Variants in EVC2 observed in about 807,000 individuals in gnomAD.
The protein encoded by EVC2 is EvC ciliary complex subunit 2, also known as limbin.
A neutral mutation model predicts 149.3 loss-of-function variants in EVC2; 148 were observed. The observed-to-expected ratio is 0.99, with a 90% confidence interval of 0.87 to 1.14. The LOEUF is 1.14. Ranked by LOEUF, EVC2 falls within the 50% of genes most tolerant of loss-of-function variation. The pLI is 0.00. For missense variants in EVC2, 1,854 were observed against 1,627.3 expected (o/e 1.14, Z -2.40); for synonymous variants, 776 against 649.9 (o/e 1.19, Z -2.95).
At chr4:5,644,087 C>T (rs1717533858) in intron 9 of EVC2, among the ~76,000 whole-genome samples, 1 of 152,072 alleles carries the variant, frequency 6.6e-6, no homozygotes, top group Non-Finnish European at 1.5e-5. Context: ...CCTTCTACAG[C>T]ATTGATGTGT....
rs928695995 is a variant in EVC2, at chr4:5,562,820, A to C, written c.*28T>G. 6 of 1,612,642 alleles carry C rather than the reference A, an allele frequency of 3.7e-6. No individual in the cohort carries two copies. The African/African-American group carries it at 6.7e-5, about 18-fold the overall frequency. On this transcript the variant is annotated 3_prime_UTR_variant, in exon 22 of 22. Coordinates refer to ENST00000344408, the MANE Select transcript of EVC2 (RefSeq NM_147127.5). This position sits in a 1 kb window ranked among gnomAD's most constrained non-coding sequence, Gnocchi z 4.3. ...GGAGAAAATCATCCCTTCTCTCTTC[A>C]GATGCTCCCGCAGGTCTTTCCCTTG...
chr4:5,552,582 G>A (rs1478117878), intron 21 of EVC2, among the ~76,000 whole-genome samples: 2 of 152,194 alleles, frequency 1.3e-5, no homozygotes, highest in Non-Finnish European at 2.9e-5. Context: ...TAGAGAGCTG[G>A]CCAAGTTATA....
chr4:5,553,102 C>T (rs1467804517), intron 21 of EVC2, among the ~76,000 whole-genome samples: 3 of 152,118 alleles, frequency 2.0e-5, no homozygotes, highest in African/African-American at 7.2e-5. Flanking sequence ...GCTTAATTAG[C>T]TCATGGTTCC....
chr4:5,618,577 G>A lies in EVC2; in HGVS notation c.2607C>T (p.Pro869=), dbSNP rs752513992. 6.2e-7 allele frequency: 1 copy of A among 1,614,148 alleles called. No homozygotes were observed. Among genetic ancestry groups the A allele is most frequent in the African/African-American group, 1.3e-5 (1 of 75,050 alleles). The change falls in exon 15 of 22, where the codon CCC becomes CCT. Residue 869 remains proline, a synonymous_variant. Transcript: ENST00000344408. This position sits in a 1 kb window ranked among gnomAD's most constrained non-coding sequence, Gnocchi z 4.4. ...GCAGCAGAACTCGGGCCCGGATCTTGGGGAGGGCCAAGCTCCTGTCCATCT... is the reference window on the plus strand; with the variant it reads ...GCAGCAGAACTCGGGCCCGGATCTTAGGGAGGGCCAAGCTCCTGTCCATCT... ...FAQMDRSLAL[P]KIRARVLLQQ...
At chr4:5,554,349 T>C (rs1182205451) in intron 21 of EVC2, among the ~76,000 whole-genome samples, 1 of 152,182 alleles carries the variant, frequency 6.6e-6, no homozygotes, top group Non-Finnish European at 1.5e-5. Flanking sequence ...GATGAATTGC[T>C]GAGGGCTGAA....
chr4:5,708,379 C>T lies in EVC2; in HGVS notation c.135G>A (p.Gln45=), dbSNP rs1423563752. ...GAGCCACCTGGGGATCCCGGGGTGG[C>T]TGCGCGCCGAGGGGGCGCCAGCGGG... ...SRPRWRPLGA[Q]PPRDPQVAPR... is the part of the protein sequence containing the mutation. The change falls in exon 1 of 22, where the codon CAG becomes CAA. Residue 45 remains glutamine, a synonymous_variant. Transcript: ENST00000344408. 6.7e-7 allele frequency: 1 copy of T among 1,494,048 alleles called. No individual in the cohort carries two copies. Among genetic ancestry groups the T allele is most frequent in the South Asian group, 1.3e-5 (1 of 78,904 alleles). The allele number at this position is 1,494,048 out of a possible 1,614,324, so 92.5% of individuals were successfully genotyped here. A position where few individuals can be genotyped will look rare whatever the true frequency, so the allele number is the denominator to read the frequency against.
intron 16 of EVC2, among the ~76,000 whole-genome samples, chr4:5,598,695 C>T (rs1015407549): frequency 1.3e-5 from 2 of 152,068 alleles, no homozygotes; most frequent in African/African-American, 4.8e-5. Flanking sequence ...AAAGCAATGG[C>T]AACAAAAGCC....
At chr4:5,563,556 G>T (rs1722084016) in intron 21 of EVC2, among the ~76,000 whole-genome samples, 2 of 152,108 alleles carry the variant, frequency 1.3e-5, no homozygotes, top group Admixed American at 1.3e-4. Context: ...TGGCCAGGAT[G>T]GTCTTGGTCT....
At chr4:5,653,577 T>G (rs886626607) in intron 9 of EVC2, among the ~76,000 whole-genome samples, 2 of 152,186 alleles carry the variant, frequency 1.3e-5, no homozygotes, top group Non-Finnish European at 2.9e-5. Flanking sequence ...AGTCTTTTCC[T>G]CTGGACAGAA....
intron 19 of EVC2, among the ~76,000 whole-genome samples, chr4:5,571,920 G>A (rs1722667834): frequency 6.6e-6 from 1 of 152,204 alleles, no homozygotes; most frequent in Non-Finnish European, 1.5e-5. Flanking sequence ...GACCAGTCCT[G>A]AGCAGAAGAT....
Position 5,706,433 on chromosome 4 carries a change from G to C in EVC2, c.228+1853C>G, listed in dbSNP as rs77615077. On this transcript the variant is annotated intron_variant, in intron 1 of 21. Coordinates refer to ENST00000344408, the MANE Select transcript of EVC2 (RefSeq NM_147127.5). ...AGATACATAGATAGATAGATACATA[G>C]ATAGATAGATAGATACATACATACA... 2.1e-3 allele frequency among the ~76,000 whole-genome samples: 54 copies of C among 25,686 alleles called. 1 individual carries two copies. Among genetic ancestry groups the C allele is most frequent in the Non-Finnish European group, 3.6e-3 (36 of 9,984 alleles). The allele number at this position is 25,686 out of a possible 152,430, so 16.9% of individuals were successfully genotyped here. A position where few individuals can be genotyped will look rare whatever the true frequency, so the allele number is the denominator to read the frequency against.
intron 2 of EVC2, among the ~76,000 whole-genome samples, chr4:5,694,859 G>C (rs1443806318): frequency 6.6e-6 from 1 of 152,194 alleles, no homozygotes; most frequent in Non-Finnish European, 1.5e-5. Context: ...CCAGCTGTGA[G>C]TCCTTGGGCA....
intron 21 of EVC2, among the ~76,000 whole-genome samples, chr4:5,543,588 CA>C (rs1721558461): frequency 6.6e-6 from 1 of 152,024 alleles, no homozygotes; most frequent in South Asian, 2.1e-4. Flanking sequence ...GGTAAGGTGC[CA>C]GGGGGACGAG....
In EVC2 at chr4:5,567,759, C is replaced by G. The variant is rs1447973099; in HGVS notation, c.3557+685G>C. Among the ~76,000 whole-genome samples, 1 of 152,072 alleles carries G rather than the reference C, an allele frequency of 6.6e-6. No homozygotes were observed. The highest frequency in any genetic ancestry group is 1.5e-5 in the Non-Finnish European group (1 of 68,026). ...AACTGAATGTCAAGTGACGGGATGA[C>G]AGTTACATGCTCTATGCTACACCCC... On this transcript the variant is annotated intron_variant, in intron 20 of 21. Coordinates refer to ENST00000344408, the MANE Select transcript of EVC2 (RefSeq NM_147127.5). This position sits in a 1 kb window ranked among gnomAD's most constrained non-coding sequence, Gnocchi z 4.4.
chr4:5,702,380 G>C (rs1721880585), intron 1 of EVC2, among the ~76,000 whole-genome samples: 1 of 152,172 alleles, frequency 6.6e-6, no homozygotes, highest in South Asian at 2.1e-4. Flanking sequence ...GCAGGTCTTG[G>C]TCTGCCTTAT....
chr4:5,708,124 C>T (rs2151749749), intron 1 of EVC2, 162 bp downstream of exon 1: 1 of 563,256 alleles, frequency 1.8e-6, no homozygotes, highest in Non-Finnish European at 2.8e-6. Flanking sequence ...AGCTTTCTGG[C>T]CGTGAGCGGG....
chr4:5,612,507 T>C (rs1408618790), intron 16 of EVC2, among the ~76,000 whole-genome samples: 1 of 152,132 alleles, frequency 6.6e-6, no homozygotes, highest in Non-Finnish European at 1.5e-5. Context: ...GGTTGCTCCC[T>C]GCTGCAAGGA....
rs1577240136 is a variant in EVC2 at position 5,677,007 on chromosome 4, G to A, written c.870+4253C>T. Among the ~76,000 whole-genome samples, 1 of 152,170 alleles carries A rather than the reference G, an allele frequency of 6.6e-6. No homozygotes were observed. The highest frequency in any genetic ancestry group is 1.5e-5 in the Non-Finnish European group (1 of 68,042). On this transcript the variant is annotated intron_variant, in intron 7 of 21. Coordinates refer to ENST00000344408, the MANE Select transcript of EVC2 (RefSeq NM_147127.5). The surrounding 1 kb of genome is among the most constrained non-coding windows in gnomAD (Gnocchi z 4.3). ...GTAGCCCCCGTGGGCATTGGGGCAT[G>A]AGGCCCTGATGCAAAACATTCACTG...
chr4:5,653,585 G>GT (rs1416592314), intron 9 of EVC2, among the ~76,000 whole-genome samples: 1 of 152,196 alleles, frequency 6.6e-6, no homozygotes, highest in African/African-American at 2.4e-5. Context: ...CCTCTGGACA[G>GT]AAAAGGGGCA....
Sources: gnomAD v4.1 joint callset for allele counts (sites outside exome capture counted in the v4.1 genomes callset) on GRCh38, gnomAD v4.1.1 for gene constraint, Gnocchi (gnomAD v3.1) non-coding constraint, MANE v1.5 for transcripts, NCBI Gene and HGNC (gene_info 2026-07-23, HGNC 2026-07-21) for gene names.